The following MINDY2 variants were observed in gnomAD, a reference collection of about 807,000 sequenced individuals.
MINDY2 encodes ubiquitin carboxyl-terminal hydrolase MINDY-2.
Under a neutral mutation model 68.2 loss-of-function variants are expected in MINDY2, and 52 were observed. The observed-to-expected ratio is 0.76, with a 90% CI of 0.61 to 0.96. The LOEUF is 0.96. MINDY2 is among the 40% of genes least tolerant of loss of function. The pLI, the probability that MINDY2 is intolerant of heterozygous loss-of-function variation, is 0.00. For synonymous variants in MINDY2, 372 were observed against 303.0 expected, an observed-to-expected ratio of 1.23 and a Z score of -2.36; for missense variants, 881 against 773.4, an observed-to-expected ratio of 1.14 and a Z score of -1.65.
At chr15:58,835,712 G>A (rs932172154) in intron 6 of MINDY2, among the ~76,000 whole-genome samples, 21 of 152,050 alleles carry the variant, frequency 1.4e-4, no homozygotes, top group Admixed American at 1.2e-3. Context: ...GAATCTTCTA[G>A]TTTAATCAGT....
At chr15:58,828,567 T>C (rs1191540321) in intron 5 of MINDY2, among the ~76,000 whole-genome samples, 3 of 150,280 alleles carry the variant, frequency 2.0e-5, no homozygotes, top group Non-Finnish European at 4.4e-5. Flanking sequence ...TAATTTATTA[T>C]TGAATTTCTT....
chr15:58,794,713 T>C (rs1190904584), intron 2 of MINDY2, among the ~76,000 whole-genome samples: 2 of 152,050 alleles, frequency 1.3e-5, no homozygotes, highest in East Asian at 3.9e-4. Flanking sequence ...AACAGAACTA[T>C]CACTTAAGAG....
intron 1 of MINDY2, among the ~76,000 whole-genome samples, chr15:58,785,135 CAAAAAAAAAAAAA>C (rs397719705): frequency 5.8e-5 from 4 of 68,472 alleles, no homozygotes; most frequent in African/African-American, 2.3e-4. Context: ...TGAAGGAAAG[CAAAAAAAAAAAAA>C]AAAAAAAAAA....
Position 58,858,578 on chromosome 15 carries a change from A to G in MINDY2, c.*3968A>G, listed in dbSNP as rs2033130332. 2 of 152,176 alleles carry G rather than the reference A, an allele frequency of 1.3e-5. No individual in the cohort carries two copies. Among genetic ancestry groups the G allele is most frequent in the African/African-American group, 4.8e-5 (2 of 41,456 alleles). The allele number at this position is 152,176 out of a possible 1,614,324, so 9.4% of individuals were successfully genotyped here. On this transcript the variant is annotated 3_prime_UTR_variant, in exon 9 of 9. Coordinates refer to ENST00000559228, the MANE Select transcript of MINDY2 (RefSeq NM_001040450.3). ...ACTACATATCTAAAATCTTGGAGAAAAATCAAGGCAAGAATTTCCAGAACT... is the reference window on the plus strand; with the variant it reads ...ACTACATATCTAAAATCTTGGAGAAGAATCAAGGCAAGAATTTCCAGAACT...
intron 5 of MINDY2, among the ~76,000 whole-genome samples, chr15:58,823,164 T>A (rs2031178946): frequency 6.8e-6 from 1 of 148,026 alleles, no homozygotes; most frequent in Non-Finnish European, 1.5e-5. Flanking sequence ...TGATACGGAG[T>A]TTCACTCTTG....
chr15:58,861,810 A>G lies in MINDY2; in HGVS notation c.*7200A>G, dbSNP rs1016457965. 8.5e-5 allele frequency: 13 copies of G among 152,206 alleles called. No homozygotes were observed. The highest frequency in any genetic ancestry group is 2.9e-4 in the African/African-American group (12 of 41,458). 9.4% of individuals were successfully genotyped at this position (152,206 alleles called of 1,614,324 possible). A position where few individuals can be genotyped will look rare whatever the true frequency, so the allele number is the denominator to read the frequency against. ...TAAAATGTTGGCTGTTTTTGTTAAT[A>G]TACTTAAAACTGTAACCAGTGAATA... On this transcript the variant is annotated 3_prime_UTR_variant, in exon 9 of 9. Coordinates refer to ENST00000559228, the MANE Select transcript of MINDY2 (RefSeq NM_001040450.3).
intron 4 of MINDY2, among the ~76,000 whole-genome samples, chr15:58,814,121 G>C (rs1567057709): frequency 6.6e-6 from 1 of 151,586 alleles, no homozygotes; most frequent in South Asian, 2.1e-4. Flanking sequence ...TGTATTTTTA[G>C]TAGAGACAGG....
intron 7 of MINDY2, among the ~76,000 whole-genome samples, chr15:58,849,599 CAAGA>C (rs2032714738): frequency 1.3e-5 from 2 of 152,042 alleles, no homozygotes; most frequent in Non-Finnish European, 2.9e-5. Flanking sequence ...CTGGAAGCAG[CAAGA>C]AAGAGGTGGA....
intron 6 of MINDY2, among the ~76,000 whole-genome samples, chr15:58,842,095 T>C (rs1277303956): frequency 4.6e-5 from 7 of 152,040 alleles, no homozygotes; most frequent in African/African-American, 1.7e-4. Flanking sequence ...GTTCATATAA[T>C]GATATCTGCA....
In MINDY2 at chr15:58,847,448, GACA is replaced by G. The variant is rs1383912793; in HGVS notation, c.1525_1527del (p.Gln509del). ...TCAGATCCTGAAACTGTATACAAAG[GACA>G]ACAAGATCAGATAGATCAGGTAAAT... On this transcript the variant is annotated inframe_deletion, in exon 7 of 9. Transcript: ENST00000559228. 8 of 1,579,632 alleles carry G rather than the reference GACA, an allele frequency of 5.1e-6. No homozygotes were observed. Among genetic ancestry groups the G allele is most frequent in the East Asian group, 2.3e-5 (1 of 44,300 alleles).
chr15:58,782,922 T>TGTTTTTTTTTTTG (rs1567039179), intron 1 of MINDY2, among the ~76,000 whole-genome samples: 1 of 120,298 alleles, frequency 8.3e-6, no homozygotes, highest in Non-Finnish European at 1.7e-5. Context: ...TTTTTTTTTT[T>TGTTTTTTTTTTTG]TTTTTTTTTT....
chr15:58,816,843 C>G (rs569167714), intron 4 of MINDY2, among the ~76,000 whole-genome samples: 2 of 152,152 alleles, frequency 1.3e-5, no homozygotes, highest in East Asian at 1.9e-4. Flanking sequence ...GTCGCAGTTA[C>G]TCAGGAGGCT....
intron 6 of MINDY2, among the ~76,000 whole-genome samples, chr15:58,841,107 G>A (rs779265537): frequency 1.6e-4 from 24 of 151,122 alleles, no homozygotes; most frequent in South Asian, 1.0e-3. Flanking sequence ...TCAGACTCCT[G>A]AGTAGCTGGG....
intron 4 of MINDY2, among the ~76,000 whole-genome samples, chr15:58,812,413 G>A (rs1399630971): frequency 1.3e-5 from 2 of 148,780 alleles, no homozygotes; most frequent in South Asian, 2.1e-4. Context: ...TTCTAGCCTG[G>A]CCAACAGAGC....
intron 4 of MINDY2, among the ~76,000 whole-genome samples, chr15:58,812,323 G>C (rs2030339644): frequency 1.3e-5 from 2 of 151,756 alleles, no homozygotes; most frequent in African/African-American, 4.8e-5. Context: ...TGTAATCCTA[G>C]CTACTCAGGA....
intron 4 of MINDY2, among the ~76,000 whole-genome samples, chr15:58,814,952 G>C (rs185003709): frequency 0.017 from 2,652 of 152,020 alleles, 32 homozygotes; most frequent in Non-Finnish European, 0.027. Flanking sequence ...CTTAATTTCA[G>C]TGAAGTTCAC....
rs149694311 is a variant in MINDY2 at position 58,778,851 on chromosome 15, C to T, written c.840+6616C>T. On this transcript the variant is annotated intron_variant, in intron 1 of 8. Transcript: ENST00000559228. ...TTTTTGAGACGGAATCTCATTTAGTCGCCCAGGCTGGAGTGCAGTGGCACG... is the reference window on the plus strand; with the variant it reads ...TTTTTGAGACGGAATCTCATTTAGTTGCCCAGGCTGGAGTGCAGTGGCACG... Among the ~76,000 whole-genome samples the T allele has an allele frequency of 7.8e-3, 1,034 of 132,604 alleles. 11 individuals are homozygous for T. Among genetic ancestry groups the T allele is most frequent in the African/African-American group, 0.029 (984 of 33,468 alleles). The allele number at this position is 132,604 out of a possible 152,430, so 87.0% of individuals were successfully genotyped here. A position where few individuals can be genotyped will look rare whatever the true frequency, so the allele number is the denominator to read the frequency against.
At chr15:58,783,959 C>A (rs1462485663) in intron 1 of MINDY2, among the ~76,000 whole-genome samples, 1 of 151,646 alleles carries the variant, frequency 6.6e-6, no homozygotes, top group African/African-American at 2.4e-5. Context: ...TGAGGTTTTA[C>A]CTTATAATGG....
chr15:58,773,798 GAA>G (rs1224255747), intron 1 of MINDY2, among the ~76,000 whole-genome samples: 2 of 152,044 alleles, frequency 1.3e-5, no homozygotes, highest in African/African-American at 2.4e-5. Context: ...CCAGGGGAGA[GAA>G]GAGTATAAAC....
Sources: gnomAD v4.1 joint callset for allele counts (sites outside exome capture counted in the v4.1 genomes callset) on GRCh38, gnomAD v4.1.1 for gene constraint, MANE v1.5 for transcripts, NCBI Gene and HGNC (gene_info 2026-07-23, HGNC 2026-07-21) for gene names.